PPIG: variants seen among roughly 807,000 people sequenced by gnomAD.
PPIG encodes peptidyl-prolyl cis-trans isomerase G.
Under a neutral mutation model 87.9 loss-of-function variants are expected in PPIG, and 26 were observed. That is an observed-to-expected ratio of 0.30 (90% CI 0.22 to 0.41). The LOEUF (loss-of-function observed/expected upper bound fraction) is 0.41. Ranked by LOEUF, PPIG falls within the 10% of genes least tolerant of loss-of-function variation. The pLI is 1.00. For synonymous variants in PPIG, 308 were observed against 276.5 expected (o/e 1.11, Z -1.13); for missense variants, 722 against 879.4 (o/e 0.82, Z 2.26).
At chr2:169,619,356 G>T (rs1044112285) in intron 9 of PPIG, among the ~76,000 whole-genome samples, 1 of 152,140 alleles carries the variant, frequency 6.6e-6, no homozygotes, top group Non-Finnish European at 1.5e-5. Flanking sequence ...GTTGATTTGG[G>T]GTGGAGAGTT....
Position 169,638,262 on chromosome 2 carries a change from G to A in PPIG, c.*739G>A, listed in dbSNP as rs1686235470. ...GAACTATACCTTGGAAAATCAGATTGTGATTCTCAGTTCTGTGTTGCTTTT... is the reference window on the plus strand; with the variant it reads ...GAACTATACCTTGGAAAATCAGATTATGATTCTCAGTTCTGTGTTGCTTTT... On this transcript the variant is annotated 3_prime_UTR_variant, in exon 14 of 14. Transcript: ENST00000260970. The A allele has an allele frequency of 6.6e-6, 1 of 151,382 alleles. No individual in the cohort carries two copies. Among genetic ancestry groups the A allele is most frequent in the South Asian group, 2.1e-4 (1 of 4,804 alleles). 9.4% of individuals were successfully genotyped at this position (151,382 alleles called of 1,614,324 possible).
At chr2:169,593,592 C>G (rs1202766680) in intron 1 of PPIG, among the ~76,000 whole-genome samples, 1 of 151,528 alleles carries the variant, frequency 6.6e-6, no homozygotes, top group African/African-American at 2.4e-5. Context: ...TTTGCCTGAG[C>G]TTGAAGGTCG....
Position 169,608,653 on chromosome 2 carries a change from A to T in PPIG, c.290-18A>T, listed in dbSNP as rs1388858606. 6.4e-7 allele frequency: 1 copy of T among 1,568,704 alleles called. No individual in the cohort carries two copies. Among genetic ancestry groups the T allele is most frequent in the South Asian group, 1.1e-5 (1 of 89,904 alleles). On this transcript the variant is annotated intron_variant, in intron 6 of 13. Coordinates refer to ENST00000260970, the MANE Select transcript of PPIG (RefSeq NM_004792.3). Reference sequence around the variant, plus strand: ...AGGTTATATCTATAATGTAACTGAAAACTTTACTTCTCTATAGACGAGAGT... The same window carrying T: ...AGGTTATATCTATAATGTAACTGAATACTTTACTTCTCTATAGACGAGAGT...
At chr2:169,604,670 TC>T (rs780274431) in intron 4 of PPIG, among the ~76,000 whole-genome samples, 3 of 149,700 alleles carry the variant, frequency 2.0e-5, no homozygotes, top group Non-Finnish European at 4.4e-5. Flanking sequence ...GGTCAGGAGT[TC>T]CAGACGAGCC....
chr2:169,584,788 A>C lies in PPIG; in HGVS notation c.-70+298A>C, dbSNP rs553408013. The C allele has an allele frequency of 2.0e-4, 58 of 296,618 alleles. 1 individual carries two copies. Among genetic ancestry groups the C allele is most frequent in the Admixed American group, 7.3e-4 (14 of 19,232 alleles). The allele number at this position is 296,618 out of a possible 1,614,324, so 18.4% of individuals were successfully genotyped here. On this transcript the variant is annotated intron_variant, in intron 1 of 13. Coordinates refer to ENST00000260970, the MANE Select transcript of PPIG (RefSeq NM_004792.3). ...ACTCAGGCGCACACCTCCCTCACTG[A>C]CGCATTTTGCCGCACAAGCTGTAAC...
At chr2:169,598,238 A>G (rs942095340) in intron 1 of PPIG, among the ~76,000 whole-genome samples, 1 of 152,044 alleles carries the variant, frequency 6.6e-6, no homozygotes, top group Admixed American at 6.6e-5. Context: ...GACTCAAGCA[A>G]TCCACCTGTC....
chr2:169,626,643 G>T, intron 9 of PPIG, among the ~76,000 whole-genome samples: 1 of 151,990 alleles, frequency 6.6e-6, no homozygotes, highest in African/African-American at 2.4e-5. Context: ...GCCTGCTTTG[G>T]CCTTCCAAAG....
chr2:169,594,020 T>C (rs1400939737), intron 1 of PPIG, among the ~76,000 whole-genome samples: 1 of 152,132 alleles, frequency 6.6e-6, no homozygotes, highest in East Asian at 1.9e-4. Flanking sequence ...TTAATTATTG[T>C]TGAACCAGAG....
intron 1 of PPIG, among the ~76,000 whole-genome samples, chr2:169,595,143 T>C (rs1458982196): frequency 6.6e-6 from 1 of 152,076 alleles, no homozygotes; most frequent in Non-Finnish European, 1.5e-5. Flanking sequence ...GGCCAGGCTG[T>C]TCTCGAACTC....
intron 9 of PPIG, among the ~76,000 whole-genome samples, chr2:169,627,819 A>G (rs1685932953): frequency 6.6e-6 from 1 of 151,890 alleles, no homozygotes; most frequent in African/African-American, 2.4e-5. Context: ...AATAGAAATC[A>G]GACTGGTGAT....
rs971013339 is a variant in PPIG, at chr2:169,637,382, TAAG to T, written c.2125_2127del (p.Lys709del). ...AATTAAAGTCCTCCATGTTGAAAAA[TAAG>T]GAGGATGAGAAGATCAGATCCTCAG... On this transcript the variant is annotated inframe_deletion, in exon 14 of 14. Transcript: ENST00000260970. 4 of 1,611,732 alleles carry T rather than the reference TAAG, an allele frequency of 2.5e-6. No individual in the cohort carries two copies. Among genetic ancestry groups the T allele is most frequent in the Non-Finnish European group, 3.4e-6 (4 of 1,179,554 alleles).
At chr2:169,590,767 A>G (rs768176735) in intron 1 of PPIG, among the ~76,000 whole-genome samples, 1 of 152,222 alleles carries the variant, frequency 6.6e-6, no homozygotes, top group Non-Finnish European at 1.5e-5. Context: ...AGTGAGGAGA[A>G]TCCTAAGGGT....
At chr2:169,606,999 T>G in intron 5 of PPIG, 105 bp from the exon 6 acceptor site, 1 of 751,062 alleles carries the variant, frequency 1.3e-6, no homozygotes, top group Non-Finnish European at 2.2e-6. Context: ...TCGAATATTG[T>G]TAATTCAAAA....
intron 6 of PPIG, 111 bp downstream of exon 6, chr2:169,607,259 G>T (rs1203036831): frequency 1.6e-5 from 10 of 625,610 alleles, no homozygotes; most frequent in Non-Finnish European, 1.6e-5. Flanking sequence ...ATGTCTAGCT[G>T]CCTTCAACTA....
At chr2:169,597,478 G>A (rs1486179574) in intron 1 of PPIG, among the ~76,000 whole-genome samples, 2 of 145,894 alleles carry the variant, frequency 1.4e-5, no homozygotes, top group East Asian at 2.1e-4. Context: ...TTTTTCTCTC[G>A]TTTTTCTTTT....
chr2:169,591,241 G>A (rs1684855366), intron 1 of PPIG, among the ~76,000 whole-genome samples: 1 of 152,086 alleles, frequency 6.6e-6, no homozygotes, highest in Non-Finnish European at 1.5e-5. Context: ...AATAGTTTAT[G>A]TATGAAACTA....
chr2:169,607,017 A>G (rs957712531), intron 5 of PPIG, 87 bp from the exon 6 acceptor site: 16 of 844,016 alleles, frequency 1.9e-5, no homozygotes, highest in African/African-American at 3.5e-5. Context: ...AAATTATTCA[A>G]AAATCTACTT....
intron 5 of PPIG, 77 bp downstream of exon 5, chr2:169,606,223 T>G (rs1430972860): frequency 2.9e-6 from 3 of 1,045,076 alleles, no homozygotes; most frequent in Non-Finnish European, 4.5e-6. Context: ...CCTAGAAGTT[T>G]TAGTCCAATA....
rs1685264172 is a variant in PPIG at position 169,604,379 on chromosome 2, C to G, written c.136+118C>G. 3 of 809,860 alleles carry G rather than the reference C, an allele frequency of 3.7e-6. No individual in the cohort carries two copies. The South Asian group carries it at 5.2e-5, about 14-fold the overall frequency. The allele number at this position is 809,860 out of a possible 1,614,324, so 50.2% of individuals were successfully genotyped here. ...TTGAGACAGGATCTTGCAACGTTGT[C>G]CAACTGGACTAGAACTCCTGGGCTC... On this transcript the variant is annotated intron_variant, in intron 4 of 13. Coordinates refer to ENST00000260970, the MANE Select transcript of PPIG (RefSeq NM_004792.3).
Sources: gnomAD v4.1 joint callset for allele counts (sites outside exome capture counted in the v4.1 genomes callset) on GRCh38, gnomAD v4.1.1 for gene constraint, MANE v1.5 for transcripts, NCBI Gene and HGNC (gene_info 2026-07-23, HGNC 2026-07-21) for gene names.